Variants in ARHGAP44 observed in about 807,000 individuals in gnomAD.
The protein encoded by ARHGAP44 is rho GTPase-activating protein 44.
In ARHGAP44, 43 loss-of-function variants were observed where a neutral mutation model predicts 106.8. The observed-to-expected ratio is 0.40, with a 90% CI of 0.32 to 0.52. The LOEUF (loss-of-function observed/expected upper bound fraction) is 0.52. Among genes scored for constraint, ARHGAP44 ranks in the 20% least tolerant of loss-of-function variants. The pLI is 0.48. For missense variants in ARHGAP44, 866 were observed against 1,050.5 expected, an observed-to-expected ratio of 0.82 and a Z score of 2.43; for synonymous variants, 439 against 410.3, an observed-to-expected ratio of 1.07 and a Z score of -0.85.
In ARHGAP44 at chr17:12,894,991, A is replaced by G. The variant is rs745837959; in HGVS notation, c.93+12A>G. On this transcript the variant is annotated intron_variant, in intron 2 of 20. Coordinates refer to ENST00000379672, the MANE Select transcript of ARHGAP44 (RefSeq NM_014859.6). ...AAGACCTTCTTCAGGTAAGGCGGCC[A>G]TTGACACTGGCTCACAGATACCAGA... 7.6e-6 allele frequency: 12 copies of G among 1,581,282 alleles called. No homozygotes were observed. Among genetic ancestry groups the G allele is most frequent in the South Asian group, 1.2e-5 (1 of 86,252 alleles).
intron 1 of ARHGAP44, among the ~76,000 whole-genome samples, chr17:12,892,927 C>A (rs2037091051): frequency 6.6e-6 from 1 of 151,808 alleles, no homozygotes. Flanking sequence ...CACGTTGAAG[C>A]ATTTTCATAA....
At chr17:12,889,310 A>G in intron 1 of ARHGAP44, among the ~76,000 whole-genome samples, 1 of 152,198 alleles carries the variant, frequency 6.6e-6, no homozygotes, top group Non-Finnish European at 1.5e-5. Context: ...TAAGAAGCTG[A>G]AATTTTATTT....
intron 1 of ARHGAP44, among the ~76,000 whole-genome samples, chr17:12,875,967 T>TA (rs2036544523): frequency 6.6e-6 from 1 of 152,108 alleles, no homozygotes; most frequent in Admixed American, 6.5e-5. Context: ...GTATTGATGA[T>TA]ATTTTCTTAT....
In ARHGAP44 at chr17:12,941,047, C is replaced by G. The variant is rs548196741; in HGVS notation, c.583-9C>G. 38 of 1,613,610 alleles carry G rather than the reference C, an allele frequency of 2.4e-5. No homozygotes were observed. The East Asian group carries it at 3.3e-4, about 14-fold the overall frequency. ...GTTTTACCTTGGTTGTATATTTTACCTTGCACAGGACCAGCTCTCAGCTGA... is the reference window on the plus strand; with the variant it reads ...GTTTTACCTTGGTTGTATATTTTACGTTGCACAGGACCAGCTCTCAGCTGA... On this transcript the variant is annotated splice_polypyrimidine_tract_variant and intron_variant, in intron 7 of 20. Coordinates refer to ENST00000379672, the MANE Select transcript of ARHGAP44 (RefSeq NM_014859.6).
intron 13 of ARHGAP44, among the ~76,000 whole-genome samples, chr17:12,953,237 C>T (rs1446924146): frequency 6.6e-6 from 1 of 152,150 alleles, no homozygotes; most frequent in East Asian, 1.9e-4. Flanking sequence ...TCTCGCTTTT[C>T]TTGCTACCAC....
chr17:12,908,191 C>CTT (rs1228178926), intron 3 of ARHGAP44, among the ~76,000 whole-genome samples: 1,784 of 95,538 alleles, frequency 0.019, 35 homozygotes, highest in Middle Eastern at 0.025. Flanking sequence ...TGCCTCATTT[C>CTT]TTTTTTTTTT....
rs928646940 is a variant in ARHGAP44, at chr17:12,987,274, C to A, written c.2317+2366C>A. The A allele has an allele frequency of 1.4e-5, 12 of 844,478 alleles. No individual in the cohort carries two copies. The Admixed American group carries it at 2.4e-4, about 17-fold the overall frequency. 52.3% of individuals were successfully genotyped at this position (844,478 alleles called of 1,614,324 possible). A position where few individuals can be genotyped will look rare whatever the true frequency, so the allele number is the denominator to read the frequency against. Reference sequence around the variant, plus strand: ...CCATTTGCATGGCAGCTTCACTCTCCAGCCTTCCCCGGCCTCAGCAAGGAT... The same window carrying A: ...CCATTTGCATGGCAGCTTCACTCTCAAGCCTTCCCCGGCCTCAGCAAGGAT... On this transcript the variant is annotated intron_variant, in intron 20 of 20. Coordinates refer to ENST00000379672, the MANE Select transcript of ARHGAP44 (RefSeq NM_014859.6).
intron 7 of ARHGAP44, among the ~76,000 whole-genome samples, chr17:12,933,653 A>G (rs972892009): frequency 1.3e-5 from 2 of 152,216 alleles, no homozygotes; most frequent in Admixed American, 1.3e-4. Context: ...AGAGAAAGTG[A>G]AGAAGGACCT....
At position 12,944,161 on chromosome 17, in the gene ARHGAP44, G is replaced by A; in HGVS notation, c.826G>A (p.Val276Met). 1 of 1,612,162 alleles carries A rather than the reference G, an allele frequency of 6.2e-7. No individual in the cohort carries two copies. Residue 276 changes from valine (V) to methionine (M), a missense_variant, in exon 10 of 21, where the codon GTG (valine) becomes ATG (methionine). Around this residue, in one of 2 missense-constraint regions of ARHGAP44, gnomAD observed 448 missense variants for 646.9 expected, o/e 0.69. Transcript: ENST00000379672. ...REIAFPIEAC[V>M]TMLLECGMQE... ...GATCGCCTTCCCCATCGAGGCGTGT[G>A]TGACCATGCTGCTTGAGTGTGGGAT...
At chr17:12,989,000 G>GGCAGGAGAATCGCTTGAAC (rs2040029699) in intron 20 of ARHGAP44, 1 of 149,434 alleles carries the variant, frequency 6.7e-6, no homozygotes, top group Non-Finnish European at 1.5e-5. Context: ...GGGAGGCTGA[G>GGCAGGAGAATCGCTTGAAC]GCAGGAGAAT....
chr17:12,883,410 G>T (rs1421381254), intron 1 of ARHGAP44, among the ~76,000 whole-genome samples: 1 of 149,806 alleles, frequency 6.7e-6, no homozygotes. Flanking sequence ...CTAATTTATT[G>T]AAGTTTATTC....
At chr17:12,884,369 T>C (rs910846310) in intron 1 of ARHGAP44, among the ~76,000 whole-genome samples, 1 of 152,236 alleles carries the variant, frequency 6.6e-6, no homozygotes, top group African/African-American at 2.4e-5. Context: ...CTTTGGAAGA[T>C]ATATACTCTA....
chr17:12,795,211 A>G (rs1191231201), intron 1 of ARHGAP44, among the ~76,000 whole-genome samples: 1 of 152,212 alleles, frequency 6.6e-6, no homozygotes, highest in Non-Finnish European at 1.5e-5. Flanking sequence ...TTAGAGTTTT[A>G]TGGAAGCCCA....
At chr17:12,841,446 T>C (rs1219229693) in intron 1 of ARHGAP44, among the ~76,000 whole-genome samples, 4 of 151,774 alleles carry the variant, frequency 2.6e-5, no homozygotes, top group Admixed American at 2.6e-4. Context: ...AAAAATTAGG[T>C]GTGGTGGTGT....
chr17:12,958,981 T>C lies in ARHGAP44; in HGVS notation c.1523+84T>C. The C allele has an allele frequency of 1.4e-6, 2 of 1,461,802 alleles. No individual in the cohort carries two copies. Among genetic ancestry groups the C allele is most frequent in the Non-Finnish European group, 1.9e-6 (2 of 1,072,802 alleles). The allele number at this position is 1,461,802 out of a possible 1,614,324, so 90.6% of individuals were successfully genotyped here. On this transcript the variant is annotated intron_variant, in intron 16 of 20. Transcript: ENST00000379672. This position sits in a 1 kb window ranked among gnomAD's most constrained non-coding sequence, Gnocchi z 4.1. ...GGGTGACGCATAAGAAAAATACAAT[T>C]ACGGGAAGGCTGCACTGACTCTCAG...
chr17:12,901,872 C>G (rs910247081), intron 3 of ARHGAP44, among the ~76,000 whole-genome samples: 1 of 152,134 alleles, frequency 6.6e-6, no homozygotes, highest in Non-Finnish European at 1.5e-5. Flanking sequence ...CCCGCCATGT[C>G]CAGGCTGTCA....
intron 12 of ARHGAP44, among the ~76,000 whole-genome samples, chr17:12,950,250 A>G (rs1053695930): frequency 6.6e-6 from 1 of 152,204 alleles, no homozygotes; most frequent in African/African-American, 2.4e-5. Flanking sequence ...AGGACAAGTG[A>G]GTGGGCATAG....
At chr17:12,906,721 G>A (rs1359684722) in intron 3 of ARHGAP44, among the ~76,000 whole-genome samples, 1 of 152,116 alleles carries the variant, frequency 6.6e-6, no homozygotes, top group Non-Finnish European at 1.5e-5. Flanking sequence ...GATTGCTTGA[G>A]CCGAGGAGTT....
Position 12,868,970 on chromosome 17 carries a change from A to T in ARHGAP44, c.54-25970A>T, listed in dbSNP as rs563059777. ...GCGCCCAACATATATATATATTAAA[A>T]ATATGTTATATATTACCATAAAAGA... On this transcript the variant is annotated intron_variant, in intron 1 of 20. Transcript: ENST00000379672. Among the ~76,000 whole-genome samples the T allele has an allele frequency of 8.7e-4, 132 of 152,150 alleles. 1 individual carries two copies. The highest frequency in any genetic ancestry group is 3.1e-3 in the African/African-American group (130 of 41,526).
Sources: gnomAD v4.1 joint callset for allele counts (sites outside exome capture counted in the v4.1 genomes callset) on GRCh38, gnomAD v4.1.1 for gene constraint, gnomAD v4.1.1 regional missense constraint, Gnocchi (gnomAD v3.1) non-coding constraint, MANE v1.5 for transcripts, NCBI Gene and HGNC (gene_info 2026-07-23, HGNC 2026-07-21) for gene names.